C7: variants seen among roughly 807,000 people sequenced by gnomAD.
C7 encodes complement C7, also known as complement component C7.
C7 carries 83 observed loss-of-function variants against 104.8 expected under a neutral mutation model. The ratio of observed to expected loss-of-function variants is 0.79; its 90% CI spans 0.66 to 0.95. The LOEUF is 0.95. Among genes scored for constraint, C7 ranks in the 40% least tolerant of loss-of-function variants. The probability of loss-of-function intolerance (pLI) is 0.00; values close to 1 mark genes in which losing one functional copy is unlikely to be tolerated. For synonymous variants in C7, 415 were observed against 360.6 expected, an observed-to-expected ratio of 1.15 and a Z score of -1.71; for missense variants, 1,070 against 1,011.2, an observed-to-expected ratio of 1.06 and a Z score of -0.79.
At chr5:40,969,991 G>A (rs148230325) in intron 14 of C7, among the ~76,000 whole-genome samples, 12 of 151,766 alleles carry the variant, frequency 7.9e-5, no homozygotes, top group Admixed American at 5.3e-4. Flanking sequence ...AACAGCAAAC[G>A]CATTAGAAAC....
At position 40,936,376 on chromosome 5, in the gene C7, TCTGA is replaced by T. The variant is rs773126382; in HGVS notation, c.323_326del (p.Asp108ValfsTer29). 8 of 1,613,322 alleles carry T rather than the reference TCTGA, an allele frequency of 5.0e-6. No homozygotes were observed. Among genetic ancestry groups the T allele is most frequent in the Middle Eastern group, 1.6e-4 (1 of 6,082 alleles). On this transcript the variant is annotated frameshift_variant, in exon 5 of 18. Transcript: ENST00000313164. LOFTEE classifies it high-confidence loss of function. ...CAAATCATTGGTTTGCAATGGGGAT[TCTGA>T]CTGTGATGAAGACAGTGCTGATGAA...
intron 10 of C7, among the ~76,000 whole-genome samples, chr5:40,956,368 A>T (rs1740291034): frequency 6.6e-6 from 1 of 152,166 alleles, no homozygotes; most frequent in African/African-American, 2.4e-5. Context: ...CATGAACAGT[A>T]TAGTTTATAA....
chr5:40,970,464 G>A (rs1246406387), intron 14 of C7, among the ~76,000 whole-genome samples: 2 of 152,102 alleles, frequency 1.3e-5, no homozygotes, highest in African/African-American at 2.4e-5. Flanking sequence ...AAAAGTCAGG[G>A]AACACTGAAC....
At chr5:40,923,049 G>A (rs902729005) in intron 1 of C7, among the ~76,000 whole-genome samples, 1 of 152,144 alleles carries the variant, frequency 6.6e-6, no homozygotes, top group Non-Finnish European at 1.5e-5. Context: ...TATGGAATTA[G>A]AGAAAATATT....
At chr5:40,929,221 C>G (rs1277005221) in intron 2 of C7, among the ~76,000 whole-genome samples, 1 of 152,024 alleles carries the variant, frequency 6.6e-6, no homozygotes, top group Non-Finnish European at 1.5e-5. Flanking sequence ...CTGGGTGATT[C>G]GTATCTTGAG....
rs1207323774 is a variant in C7, at chr5:40,964,768, A to G, written c.1777A>G (p.Lys593Glu). 8 of 1,612,000 alleles carry G rather than the reference A, an allele frequency of 5.0e-6. No homozygotes were observed. In the East Asian group the frequency reaches 1.3e-4, roughly 27 times the overall value. Residue 593 changes from lysine to glutamate, a missense_variant, in exon 14 of 18, where the codon AAA becomes GAA. By Grantham distance (56) the Lys-to-Glu change is moderately conservative (BLOSUM62 1). Transcript: ENST00000313164. The part of the protein sequence containing the change: ...QDEGTMFPVG[K>E]NVVYTCNEGY... Reference sequence around the variant, plus strand: ...TGAAGGTACAATGTTTCCTGTGGGGAAAAATGTAGTGTACACTTGCAATGA... The same window carrying G: ...TGAAGGTACAATGTTTCCTGTGGGGGAAAATGTAGTGTACACTTGCAATGA...
intron 3 of C7, among the ~76,000 whole-genome samples, chr5:40,933,603 G>T (rs879702659): frequency 6.6e-6 from 1 of 152,072 alleles, no homozygotes; most frequent in Non-Finnish European, 1.5e-5. Flanking sequence ...TGTAGATGTA[G>T]CTTCACCTTT....
chr5:40,936,358 T>C lies in C7; in HGVS notation c.301T>C (p.Leu101=). ...TTCAGGTCAGTGCATCAGCAAATCATTGGTTTGCAATGGGGATTCTGACTG... is the reference window on the plus strand; with the variant it reads ...TTCAGGTCAGTGCATCAGCAAATCACTGGTTTGCAATGGGGATTCTGACTG... The part of the protein sequence containing the change: ...CFSGQCISKS[L]VCNGDSDCDE... The change falls in exon 5 of 18, where the codon TTG becomes CTG. Residue 101 remains leucine (L), a synonymous_variant. Coordinates refer to ENST00000313164, the MANE Select transcript of C7 (RefSeq NM_000587.4). 1 of 1,613,220 alleles carries C rather than the reference T, an allele frequency of 6.2e-7. No individual in the cohort carries two copies. The highest frequency in any genetic ancestry group is 2.2e-5 in the East Asian group (1 of 44,868).
chr5:40,957,710 C>G (rs958772456), intron 10 of C7, among the ~76,000 whole-genome samples: 2 of 151,738 alleles, frequency 1.3e-5, no homozygotes, highest in Non-Finnish European at 2.9e-5. Context: ...CCTGCCGCAG[C>G]CTCTCAAAGT....
At chr5:40,965,640 A>G (rs1373708343) in intron 14 of C7, among the ~76,000 whole-genome samples, 1 of 58,026 alleles carries the variant, frequency 1.7e-5, no homozygotes, top group Non-Finnish European at 3.1e-5. Flanking sequence ...ATATATATAT[A>G]TATATATATT....
rs757348574 is a variant in C7, at chr5:40,964,844, G to A, written c.1853G>A (p.Arg618Gln). The A allele has an allele frequency of 2.5e-5, 41 of 1,613,596 alleles. No individual in the cohort carries two copies. The highest frequency in any genetic ancestry group is 1.6e-4 in the Middle Eastern group (1 of 6,080). Residue 618 changes from arginine (R) to glutamine (Q), a missense_variant, in exon 14 of 18, where the codon CGG becomes CAG. Physicochemically the swap from Arg to Gln is conservative, Grantham distance 43. Coordinates refer to ENST00000313164, the MANE Select transcript of C7 (RefSeq NM_000587.4). ...NPVARCGEDLRWLVGEMHCQK... is the reference protein window; with the variant it reads ...NPVARCGEDLQWLVGEMHCQK... ...GTGGCCAGATGTGGAGAAGATTTACGGTGGCTTGTTGGGGAAATGCATTGT... is the reference window on the plus strand; with the variant it reads ...GTGGCCAGATGTGGAGAAGATTTACAGTGGCTTGTTGGGGAAATGCATTGT...
intron 5 of C7, 190 bp from the exon 6 acceptor site, chr5:40,937,362 G>A (rs151240598): frequency 0.01 from 3,869 of 383,526 alleles, 32 homozygotes; most frequent in Non-Finnish European, 0.015. Context: ...CCAAGCAGGG[G>A]AAGCTGGATA....
intron 14 of C7, among the ~76,000 whole-genome samples, chr5:40,969,289 C>T (rs1740638710): frequency 6.6e-6 from 1 of 152,006 alleles, no homozygotes; most frequent in Admixed American, 6.6e-5. Flanking sequence ...TTCTAATTCT[C>T]TGTTGTAATT....
chr5:40,914,855 T>C (rs979536697), intron 1 of C7, among the ~76,000 whole-genome samples: 3 of 152,062 alleles, frequency 2.0e-5, no homozygotes, highest in African/African-American at 7.2e-5. Flanking sequence ...GCAGAGTAAA[T>C]AAACCCAGCA....
chr5:40,964,864 C>T lies in C7; in HGVS notation c.1873C>T (p.His625Tyr), dbSNP rs1182287546. The change falls in exon 14 of 18, where the codon CAT (histidine) becomes TAT (tyrosine). Residue 625 changes from histidine (H) to tyrosine (Y), a missense_variant. His to Tyr is a moderately conservative substitution (Grantham distance 83). Transcript: ENST00000313164. Reference sequence around the variant, plus strand: ...TTTACGGTGGCTTGTTGGGGAAATGCATTGTCAGAGTGAGTGGCGTCAGTT... The same window carrying T: ...TTTACGGTGGCTTGTTGGGGAAATGTATTGTCAGAGTGAGTGGCGTCAGTT... The part of the protein sequence containing the change: ...EDLRWLVGEM[H>Y]CQKIACVLPV... 2 of 1,613,550 alleles carry T rather than the reference C, an allele frequency of 1.2e-6. No homozygotes were observed. Among genetic ancestry groups the T allele is most frequent in the South Asian group, 1.1e-5 (1 of 90,978 alleles).
At chr5:40,962,494 T>C (rs1740442709) in intron 13 of C7, among the ~76,000 whole-genome samples, 1 of 152,210 alleles carries the variant, frequency 6.6e-6, no homozygotes, top group Non-Finnish European at 1.5e-5. Context: ...GCTTGCTCTT[T>C]AACTCACAGA....
rs1189982681 is a variant in C7 at position 40,968,557 on chromosome 5, TTATATATATTTTATA to T, written c.1882+3694_1882+3708del. Among the ~76,000 whole-genome samples, 509 of 110,472 alleles carry T rather than the reference TTATATATATTTTATA, an allele frequency of 4.6e-3. 5 individuals are homozygous for T. The highest frequency in any genetic ancestry group is 7.3e-3 in the African/African-American group (236 of 32,384). The allele number at this position is 110,472 out of a possible 152,430, so 72.5% of individuals were successfully genotyped here. On this transcript the variant is annotated intron_variant, in intron 14 of 17. Coordinates refer to ENST00000313164, the MANE Select transcript of C7 (RefSeq NM_000587.4). ...AATTTTATTTTTCAACTTAAAACAA[TTATATATATTTTATA>T]TATATATATATATATATATATATAT...
At chr5:40,933,651 A>C (rs1739744193) in intron 3 of C7, among the ~76,000 whole-genome samples, 2 of 152,098 alleles carry the variant, frequency 1.3e-5, no homozygotes, top group Admixed American at 1.3e-4. Context: ...TTTGACTTCC[A>C]TATTCATGTA....
At chr5:40,947,897 G>A in intron 8 of C7, 52 bp downstream of exon 8, 2 of 1,540,376 alleles carry the variant, frequency 1.3e-6, no homozygotes, top group South Asian at 1.2e-5. Context: ...ATTTTAATGG[G>A]GAAATAACAT....
Sources: gnomAD v4.1 joint callset for allele counts (sites outside exome capture counted in the v4.1 genomes callset) on GRCh38, gnomAD v4.1.1 for gene constraint, MANE v1.5 for transcripts, NCBI Gene and HGNC (gene_info 2026-07-23, HGNC 2026-07-21) for gene names.